Variants in IL1RAPL1 observed in about 807,000 individuals in gnomAD.
The protein encoded by IL1RAPL1 is interleukin-1 receptor accessory protein-like 1.
Under a neutral mutation model 48.4 loss-of-function variants are expected in IL1RAPL1, and 3 were observed. The ratio of observed to expected loss-of-function variants is 0.06; its 90% CI spans 0.03 to 0.16. The LOEUF (loss-of-function observed/expected upper bound fraction) is 0.16, where lower values mean the gene tolerates loss of function less well. IL1RAPL1 is among the 10% of genes least tolerant of loss of function. The pLI is 1.00. For missense variants in IL1RAPL1, 349 were observed against 530.6 expected, an observed-to-expected ratio of 0.66 and a Z score of 3.36; for synonymous variants, 185 against 187.7, an observed-to-expected ratio of 0.99 and a Z score of 0.12.
In IL1RAPL1 at chrX:29,956,284, C is replaced by T. The variant is rs1423334834; in HGVS notation, c.*464C>T. On this transcript the variant is annotated 3_prime_UTR_variant, in exon 11 of 11. Transcript: ENST00000378993. ...CCTAGCATCAACTGGGCCACGTCGGCCTTCAGAGAACAGTGCAACAAATGC... is the reference window on the plus strand; with the variant it reads ...CCTAGCATCAACTGGGCCACGTCGGTCTTCAGAGAACAGTGCAACAAATGC... 9.0e-6 allele frequency: 1 copy of T among 111,429 alleles called. No homozygotes were observed. The highest frequency in any genetic ancestry group is 1.8e-5 in the Non-Finnish European group (1 of 56,545). The allele number at this position is 111,429 out of a possible 1,213,427, so 9.2% of individuals were successfully genotyped here.
intron 2 of IL1RAPL1, among the ~76,000 whole-genome samples, chrX:29,114,264 A>G (rs929143306): frequency 8.9e-6 from 1 of 111,987 alleles, no homozygotes; most frequent in Non-Finnish European, 1.9e-5. Context: ...CTTTAAGAGG[A>G]CATTTTAACG....
In IL1RAPL1 at chrX:29,507,937, G is replaced by A. The variant is rs183655556; in HGVS notation, c.703+108629G>A. Among the ~76,000 whole-genome samples, 237 of 111,243 alleles carry A rather than the reference G, an allele frequency of 2.1e-3. 2 individuals carry two copies. The highest frequency in any genetic ancestry group is 7.5e-3 in the African/African-American group (229 of 30,579). Reference sequence around the variant, plus strand: ...TGTGGTAGAAACCACATGACAATTAGTCTGCACAAAATCACTGTAAACTCT... The same window carrying A: ...TGTGGTAGAAACCACATGACAATTAATCTGCACAAAATCACTGTAAACTCT... On this transcript the variant is annotated intron_variant, in intron 5 of 10. Transcript: ENST00000378993.
chrX:29,558,770 G>C (rs748751281), intron 5 of IL1RAPL1, among the ~76,000 whole-genome samples: 6 of 111,678 alleles, frequency 5.4e-5, no homozygotes, highest in Admixed American at 9.5e-5. Flanking sequence ...AATTTTCCCA[G>C]CATCACTTGT....
At chrX:28,888,510 A>G (rs1231709748) in intron 2 of IL1RAPL1, among the ~76,000 whole-genome samples, 1 of 111,519 alleles carries the variant, frequency 9.0e-6, no homozygotes, top group Non-Finnish European at 1.9e-5. Context: ...AATGAACATT[A>G]AATTGCCAAA....
intron 6 of IL1RAPL1, among the ~76,000 whole-genome samples, chrX:29,807,999 A>G: frequency 8.9e-6 from 1 of 112,096 alleles, no homozygotes; most frequent in Middle Eastern, 4.7e-3. Context: ...TAGGTAAAAT[A>G]GTCACCCTCA....
intron 2 of IL1RAPL1, among the ~76,000 whole-genome samples, chrX:29,051,792 T>A (rs1484864097): frequency 8.9e-6 from 1 of 112,625 alleles, no homozygotes; most frequent in Admixed American, 9.4e-5. Context: ...TAGGCTTTAT[T>A]CAGATATTCC....
chrX:29,723,203 A>T lies in IL1RAPL1; in HGVS notation c.778+54699A>T, dbSNP rs1927682915. On this transcript the variant is annotated intron_variant, in intron 6 of 10. Transcript: ENST00000378993. ...TTTTAAAACAGTATTTCCTTTGATA[A>T]TGAGTTATTCCTGAGAACTTTACAT... Among the ~76,000 whole-genome samples, 5 of 112,241 alleles carry T rather than the reference A, an allele frequency of 4.5e-5. No individual in the cohort carries two copies. In the South Asian group the frequency reaches 1.8e-3, roughly 41 times the overall value.
intron 2 of IL1RAPL1, among the ~76,000 whole-genome samples, chrX:29,037,136 T>A (rs1449676893): frequency 1.8e-5 from 2 of 112,099 alleles, no homozygotes; most frequent in Non-Finnish European, 3.8e-5. Flanking sequence ...CTGTGGATTA[T>A]ATCTGATGTT....
chrX:29,143,912 G>A (rs373573867), intron 2 of IL1RAPL1, among the ~76,000 whole-genome samples: 1 of 111,626 alleles, frequency 9.0e-6, no homozygotes, highest in African/African-American at 3.3e-5. Flanking sequence ...ACGATATGTC[G>A]ATACAACAGT....
intron 2 of IL1RAPL1, among the ~76,000 whole-genome samples, chrX:29,228,376 A>T (rs867019636): frequency 4.8e-5 from 2 of 41,701 alleles, no homozygotes; most frequent in Admixed American, 2.2e-4. Flanking sequence ...TGTGTGTGAG[A>T]CAGAGTCTCA....
chrX:28,950,791 T>C (rs1256586064), intron 2 of IL1RAPL1, among the ~76,000 whole-genome samples: 6 of 107,091 alleles, frequency 5.6e-5, no homozygotes, highest in Admixed American at 2.0e-4. Flanking sequence ...CAAAGGACTA[T>C]AAATCATGCT....
chrX:28,664,724 A>C (rs1369805784), intron 1 of IL1RAPL1, among the ~76,000 whole-genome samples: 2 of 111,628 alleles, frequency 1.8e-5, no homozygotes, highest in African/African-American at 6.5e-5. Flanking sequence ...ATCACCTCTA[A>C]GCTACACTCT....
intron 2 of IL1RAPL1, among the ~76,000 whole-genome samples, chrX:29,022,349 A>G (rs989393704): frequency 3.6e-5 from 4 of 111,551 alleles, no homozygotes; most frequent in Non-Finnish European, 7.5e-5. Flanking sequence ...TATCATTCCT[A>G]TGGTAAATTT....
intron 1 of IL1RAPL1, among the ~76,000 whole-genome samples, chrX:28,646,766 A>T (rs1310216780): frequency 8.9e-6 from 1 of 112,576 alleles, no homozygotes; most frequent in East Asian, 2.8e-4. Context: ...CTAGCACTCT[A>T]TGTATTCCCA....
chrX:28,628,698 G>A (rs1166535364), intron 1 of IL1RAPL1, among the ~76,000 whole-genome samples: 1 of 112,036 alleles, frequency 8.9e-6, no homozygotes, highest in Non-Finnish European at 1.9e-5. Flanking sequence ...CAAGTCAAAT[G>A]CATGAAACTG....
intron 5 of IL1RAPL1, among the ~76,000 whole-genome samples, chrX:29,452,541 A>T (rs1344067921): frequency 9.0e-6 from 1 of 111,687 alleles, no homozygotes; most frequent in African/African-American, 3.3e-5. Flanking sequence ...AGAAAATGAT[A>T]TGTTTTTTCT....
chrX:29,044,310 A>C (rs1379222817), intron 2 of IL1RAPL1, among the ~76,000 whole-genome samples: 1 of 110,398 alleles, frequency 9.1e-6, no homozygotes, highest in African/African-American at 3.3e-5. Flanking sequence ...GGTGCCTATA[A>C]TTCCAGATAC....
At chrX:29,443,951 C>A (rs1197318100) in intron 5 of IL1RAPL1, among the ~76,000 whole-genome samples, 1 of 112,281 alleles carries the variant, frequency 8.9e-6, no homozygotes, top group Admixed American at 9.4e-5. Flanking sequence ...TTGCCGATGT[C>A]CCATTGACCA....
chrX:28,850,947 A>C (rs1921646181), intron 2 of IL1RAPL1, among the ~76,000 whole-genome samples: 1 of 105,978 alleles, frequency 9.4e-6, no homozygotes, highest in African/African-American at 3.5e-5. Context: ...AGTATGGAAA[A>C]GTATAGTCTC....
Sources: allele counts gnomAD v4.1 joint callset (sites outside exome capture counted in the v4.1 genomes callset), GRCh38; gene constraint gnomAD v4.1.1; transcripts MANE v1.5; gene names NCBI Gene and HGNC (gene_info 2026-07-23, HGNC 2026-07-21).